Variants in LIPC observed in about 807,000 individuals in gnomAD.
LIPC encodes lipase C, hepatic type.
In LIPC, 44 loss-of-function variants were observed where a neutral mutation model predicts 50.7. That is an observed-to-expected ratio of 0.87 (90% CI 0.68 to 1.11). The LOEUF is 1.11. Among genes scored for constraint, LIPC ranks in the 50% most tolerant of loss-of-function variants. LIPC has a pLI of 0.00. For synonymous variants in LIPC, 271 were observed against 256.4 expected (o/e 1.06, Z -0.54); for missense variants, 697 against 648.2 (o/e 1.08, Z -0.82).
intron 1 of LIPC, among the ~76,000 whole-genome samples, chr15:58,508,654 C>T (rs1216746633): frequency 6.6e-6 from 1 of 152,156 alleles, no homozygotes; most frequent in Admixed American, 6.5e-5. Flanking sequence ...CATCCCCAAA[C>T]TCTATGCTGG....
chr15:58,484,510 G>A (rs553571946), intron 1 of LIPC, among the ~76,000 whole-genome samples: 4 of 152,232 alleles, frequency 2.6e-5, no homozygotes, highest in African/African-American at 7.2e-5. Context: ...ATGCTAATAA[G>A]GGCTTTACCA....
intron 1 of LIPC, among the ~76,000 whole-genome samples, chr15:58,459,692 G>A (rs1170012238): frequency 6.6e-6 from 1 of 152,198 alleles, no homozygotes; most frequent in African/African-American, 2.4e-5. Flanking sequence ...AATCAGCCTC[G>A]TGCTCTGCAC....
At chr15:58,468,494 C>T (rs1298089276) in intron 1 of LIPC, among the ~76,000 whole-genome samples, 1 of 152,168 alleles carries the variant, frequency 6.6e-6, no homozygotes, top group Non-Finnish European at 1.5e-5. Flanking sequence ...ACCAAAGCTC[C>T]ATGGAATACT....
At chr15:58,550,476 G>A (rs1893709292) in intron 6 of LIPC, among the ~76,000 whole-genome samples, 1 of 152,196 alleles carries the variant, frequency 6.6e-6, no homozygotes, top group Non-Finnish European at 1.5e-5. Flanking sequence ...CACTGCTGAT[G>A]TGAACTCACA....
chr15:58,519,679 A>G (rs998838119), intron 1 of LIPC, among the ~76,000 whole-genome samples: 6 of 152,192 alleles, frequency 3.9e-5, no homozygotes, highest in Non-Finnish European at 7.3e-5. Context: ...TAGACTGAAT[A>G]TTTACAGAAT....
chr15:58,437,268 G>A (rs1316835463), intron 1 of LIPC, among the ~76,000 whole-genome samples: 1 of 152,118 alleles, frequency 6.6e-6, no homozygotes, highest in Non-Finnish European at 1.5e-5. Flanking sequence ...TGGGGAGCAG[G>A]TGTCATAACT....
chr15:58,525,484 T>C (rs1197575245), intron 1 of LIPC, among the ~76,000 whole-genome samples: 1 of 152,136 alleles, frequency 6.6e-6, no homozygotes, highest in East Asian at 1.9e-4. Flanking sequence ...TATTCTCTTC[T>C]CTCCTACAAG....
chr15:58,497,840 C>T (rs1394729525), intron 1 of LIPC: 2 of 152,228 alleles, frequency 1.3e-5, no homozygotes, highest in East Asian at 3.8e-4. Flanking sequence ...AGCTGACTTG[C>T]CATGGAGCCA....
At chr15:58,565,318 G>A in intron 8 of LIPC, 1 of 1,535,022 alleles carries the variant, frequency 6.5e-7, no homozygotes, top group Non-Finnish European at 8.7e-7. Context: ...TAGCTGGAGA[G>A]TAATTCCTCA....
rs76449618 is a variant in LIPC at position 58,480,203 on chromosome 15, T to C, written c.88+48083T>C. Among the ~76,000 whole-genome samples the C allele has an allele frequency of 4.5e-3, 683 of 152,260 alleles. 8 individuals carry two copies. The highest frequency in any genetic ancestry group is 0.015 in the African/African-American group (611 of 41,546). On this transcript the variant is annotated intron_variant, in intron 1 of 8. Transcript: ENST00000299022. ...ACATTCTGCTTTGTCTGAGAAACCT[T>C]CCCAAGACCACACCAACTAGAAGTG...
At chr15:58,471,134 C>CTTTT (rs34225435) in intron 1 of LIPC, among the ~76,000 whole-genome samples, 9 of 114,640 alleles carry the variant, frequency 7.9e-5, no homozygotes, top group Non-Finnish European at 9.0e-5. Flanking sequence ...TTTCTTTTCT[C>CTTTT]TTTTTTTTTT....
chr15:58,517,873 C>T (rs770646024), intron 1 of LIPC, among the ~76,000 whole-genome samples: 9 of 152,298 alleles, frequency 5.9e-5, no homozygotes, highest in Middle Eastern at 6.8e-3. Context: ...AAGTGACAGA[C>T]GAGGAAATCA....
intron 1 of LIPC, among the ~76,000 whole-genome samples, chr15:58,530,650 C>A (rs1463592849): frequency 2.0e-5 from 3 of 152,338 alleles, no homozygotes; most frequent in African/African-American, 7.2e-5. Context: ...TTCCCTTTTG[C>A]CCTTTGCTAG....
At chr15:58,466,386 C>T (rs1894565599) in intron 1 of LIPC, among the ~76,000 whole-genome samples, 1 of 152,232 alleles carries the variant, frequency 6.6e-6, no homozygotes, top group African/African-American at 2.4e-5. Context: ...TGTTTTCCAT[C>T]TGGTATACAA....
In LIPC at chr15:58,489,192, C is replaced by T. The variant is rs948169431; in HGVS notation, c.89-49141C>T. ...AGCATCTTTCTGCTGGCCTGAAATT[C>T]AACCATTAGGGATTCATTTTGTTGC... On this transcript the variant is annotated intron_variant, in intron 1 of 8. Coordinates refer to ENST00000299022, the MANE Select transcript of LIPC (RefSeq NM_000236.3). Among the ~76,000 whole-genome samples the T allele has an allele frequency of 4.5e-5, 5 of 111,526 alleles. No individual in the cohort carries two copies. In the Admixed American group the frequency reaches 5.8e-4, roughly 13 times the overall value. 73.2% of individuals were successfully genotyped at this position (111,526 alleles called of 152,430 possible).
At position 58,568,670 on chromosome 15, in the gene LIPC, TC is replaced by T. The variant is rs755936647; in HGVS notation, c.1389-44del. The T allele has an allele frequency of 2.8e-6, 3 of 1,066,490 alleles. No individual in the cohort carries two copies. In the Admixed American group the frequency reaches 5.1e-5, roughly 18 times the overall value. 66.1% of individuals were successfully genotyped at this position (1,066,490 alleles called of 1,614,324 possible). ...TAAAGAATGAAACACTTCAATAAGC[TC>T]CACCTAAAACTTAATGCTGTGTTTG... On this transcript the variant is annotated intron_variant, in intron 8 of 8. Coordinates refer to ENST00000299022, the MANE Select transcript of LIPC (RefSeq NM_000236.3).
At chr15:58,544,660 T>A (rs1893461153) in intron 4 of LIPC, among the ~76,000 whole-genome samples, 3 of 152,240 alleles carry the variant, frequency 2.0e-5, no homozygotes, top group Admixed American at 2.0e-4. Flanking sequence ...CCTCCCAAAG[T>A]GCTGGGATTA....
chr15:58,568,695 T>C (rs1333123257), intron 8 of LIPC, 21 bp from the exon 9 acceptor site: 1 of 1,388,622 alleles, frequency 7.2e-7, no homozygotes, highest in Non-Finnish European at 1.0e-6. Flanking sequence ...ATGCTGTGTT[T>C]GCTTCCTGTT....
chr15:58,479,184 T>C (rs144833536), intron 1 of LIPC, among the ~76,000 whole-genome samples: 48 of 152,328 alleles, frequency 3.2e-4, no homozygotes, highest in African/African-American at 1.1e-3. Flanking sequence ...ACTACTAAAT[T>C]GAATTGAATG....
Sources: gnomAD v4.1 joint callset for allele counts (sites outside exome capture counted in the v4.1 genomes callset) on GRCh38, gnomAD v4.1.1 for gene constraint, MANE v1.5 for transcripts, NCBI Gene and HGNC (gene_info 2026-07-23, HGNC 2026-07-21) for gene names.